Variants in ASAP2 observed in about 807,000 individuals in gnomAD.
ASAP2 encodes the protein arf-GAP with SH3 domain, ANK repeat and PH domain-containing protein 2.
A neutral mutation model predicts 131.4 loss-of-function variants in ASAP2; 45 were observed. The observed-to-expected ratio is 0.34, with a 90% CI of 0.27 to 0.44. ASAP2 has a LOEUF of 0.44. ASAP2 is among the 20% of genes least tolerant of loss of function. The pLI is 1.00. For synonymous variants in ASAP2, 510 were observed against 503.0 expected (o/e 1.01, Z -0.19); for missense variants, 1,011 against 1,297.0 (o/e 0.78, Z 3.39).
chr2:9,311,503 T>G lies in ASAP2; in HGVS notation c.346-7021T>G, dbSNP rs73155694. Among the ~76,000 whole-genome samples the G allele has an allele frequency of 1.6e-3, 247 of 152,322 alleles. No homozygotes were observed. Among genetic ancestry groups the G allele is most frequent in the African/African-American group, 5.7e-3 (235 of 41,574 alleles). ...TATTTGTTAAAAGTGAGTCAGAACA[T>G]AAGAGAAAGCCCTATGCTTTCTTGG... On this transcript the variant is annotated intron_variant, in intron 3 of 27. Coordinates refer to ENST00000281419, the MANE Select transcript of ASAP2 (RefSeq NM_003887.3). This position sits in a 1 kb window ranked among gnomAD's most constrained non-coding sequence, Gnocchi z 5.2.
At chr2:9,344,203 A>T (rs973519015) in intron 9 of ASAP2, among the ~76,000 whole-genome samples, 2 of 152,148 alleles carry the variant, frequency 1.3e-5, no homozygotes, top group Admixed American at 6.5e-5. Context: ...CTCGAGGGCT[A>T]CTGTGGCCGT....
chr2:9,340,940 T>G (rs561618811), intron 9 of ASAP2, among the ~76,000 whole-genome samples: 1 of 152,250 alleles, frequency 6.6e-6, no homozygotes, highest in South Asian at 2.1e-4. Context: ...CATGAAAGCC[T>G]TTTGAGGTTC....
At chr2:9,282,390 C>CA (rs1667183866) in intron 2 of ASAP2, among the ~76,000 whole-genome samples, 1 of 152,234 alleles carries the variant, frequency 6.6e-6, no homozygotes, top group African/African-American at 2.4e-5. Flanking sequence ...TTTCTCCTGT[C>CA]ATGTTGATGA....
chr2:9,334,637 A>T, intron 7 of ASAP2, 101 bp from the exon 8 acceptor site: 1 of 982,510 alleles, frequency 1.0e-6, no homozygotes, highest in Non-Finnish European at 1.5e-6. Context: ...CCCAGGAGTT[A>T]CATAATGACT....
At chr2:9,269,043 C>G (rs1228790552) in intron 1 of ASAP2, among the ~76,000 whole-genome samples, 1 of 151,974 alleles carries the variant, frequency 6.6e-6, no homozygotes, top group Non-Finnish European at 1.5e-5. Context: ...TCCTTGAGGC[C>G]AGGGCTCAGC....
intron 3 of ASAP2, among the ~76,000 whole-genome samples, chr2:9,314,358 A>G (rs1158428747): frequency 6.6e-6 from 1 of 152,224 alleles, no homozygotes. Flanking sequence ...ATGAATTCAC[A>G]CATGCATTTG....
intron 1 of ASAP2, among the ~76,000 whole-genome samples, chr2:9,223,575 A>G (rs1004418224): frequency 2.0e-5 from 3 of 152,204 alleles, no homozygotes; most frequent in African/African-American, 7.2e-5. Context: ...AGGAAAATGT[A>G]CTATTAGCTG....
chr2:9,288,201 A>G (rs1214095989), intron 2 of ASAP2, among the ~76,000 whole-genome samples: 1 of 152,210 alleles, frequency 6.6e-6, no homozygotes. Flanking sequence ...CAACCTACCA[A>G]GCAAAAAAGC....
rs1675836277 is a variant in ASAP2 at position 9,392,950 on chromosome 2, T to C, written c.2519-532T>C. On this transcript the variant is annotated intron_variant, in intron 23 of 27. Coordinates refer to ENST00000281419, the MANE Select transcript of ASAP2 (RefSeq NM_003887.3). The surrounding 1 kb of genome is among the most constrained non-coding windows in gnomAD (Gnocchi z 4.0). ...CCCTCCGTGGGCCTCAGCCTCCTTGTCTGTAAAACGTAGACACTAAGAAAG... is the reference window on the plus strand; with the variant it reads ...CCCTCCGTGGGCCTCAGCCTCCTTGCCTGTAAAACGTAGACACTAAGAAAG... 6.6e-6 allele frequency among the ~76,000 whole-genome samples: 1 copy of C among 152,170 alleles called. No homozygotes were observed. Among genetic ancestry groups the C allele is most frequent in the Non-Finnish European group, 1.5e-5 (1 of 68,038 alleles).
chr2:9,337,269 G>A (rs1222456117), intron 9 of ASAP2, among the ~76,000 whole-genome samples: 1 of 152,202 alleles, frequency 6.6e-6, no homozygotes, highest in Non-Finnish European at 1.5e-5. Context: ...ATCATGCTCT[G>A]CGTTGCTTTT....
chr2:9,352,959 T>A (rs1336869318), intron 12 of ASAP2, among the ~76,000 whole-genome samples: 1 of 152,182 alleles, frequency 6.6e-6, no homozygotes, highest in African/African-American at 2.4e-5. Context: ...TCCTGCAAAT[T>A]CTTCATCCTC....
At chr2:9,259,509 C>T (rs542160115) in intron 1 of ASAP2, among the ~76,000 whole-genome samples, 56 of 152,240 alleles carry the variant, frequency 3.7e-4, no homozygotes, top group Non-Finnish European at 6.0e-4. Context: ...TCCTCTTGTA[C>T]TCCTGCTCCC....
At chr2:9,254,286 A>G (rs2148156778) in intron 1 of ASAP2, among the ~76,000 whole-genome samples, 1 of 124,698 alleles carries the variant, frequency 8.0e-6, no homozygotes, top group East Asian at 2.2e-4. Flanking sequence ...TATATAGTAT[A>G]TTGTTATAAT....
At chr2:9,315,281 G>A (rs2148476921) in intron 3 of ASAP2, among the ~76,000 whole-genome samples, 1 of 152,324 alleles carries the variant, frequency 6.6e-6, no homozygotes, top group Middle Eastern at 3.4e-3. Context: ...GGCAGGCAGA[G>A]ACTAGGAAGC....
chr2:9,211,122 TC>T (rs1326436871), intron 1 of ASAP2, among the ~76,000 whole-genome samples: 1 of 150,848 alleles, frequency 6.6e-6, no homozygotes, highest in Non-Finnish European at 1.5e-5. Context: ...GCCATTGCAC[TC>T]CAGCCTGGGC....
rs555411050 is a variant in ASAP2 at position 9,311,710 on chromosome 2, C to A, written c.346-6814C>A. On this transcript the variant is annotated intron_variant, in intron 3 of 27. Transcript: ENST00000281419. The surrounding 1 kb of genome is among the most constrained non-coding windows in gnomAD (Gnocchi z 5.2). ...AACTCGAGGATGGCTCGTTCGGCTG[C>A]GGGCCTGAGGCTGCTGGACACACAG... 2.3e-3 allele frequency among the ~76,000 whole-genome samples: 345 copies of A among 152,310 alleles called. 1 individual carries two copies. The highest frequency in any genetic ancestry group is 3.9e-3 in the Non-Finnish European group (266 of 68,026).
intron 9 of ASAP2, among the ~76,000 whole-genome samples, chr2:9,336,274 A>G (rs976244826): frequency 2.0e-5 from 3 of 152,104 alleles, no homozygotes; most frequent in Admixed American, 6.5e-5. Context: ...CTTTATGAAG[A>G]TGAAGCAGGT....
intron 9 of ASAP2, among the ~76,000 whole-genome samples, chr2:9,343,673 C>T (rs1671753173): frequency 6.6e-6 from 1 of 152,204 alleles, no homozygotes; most frequent in African/African-American, 2.4e-5. Flanking sequence ...TCTTGAACTC[C>T]TGGGCTCAAG....
intron 11 of ASAP2, among the ~76,000 whole-genome samples, chr2:9,347,099 G>A (rs912700414): frequency 2.6e-5 from 4 of 152,170 alleles, no homozygotes; most frequent in Non-Finnish European, 2.9e-5. Flanking sequence ...AGCCATCGCC[G>A]CCTACATCCT....
Sources: gnomAD v4.1 joint callset for allele counts (sites outside exome capture counted in the v4.1 genomes callset) on GRCh38, gnomAD v4.1.1 for gene constraint, Gnocchi (gnomAD v3.1) non-coding constraint, MANE v1.5 for transcripts, NCBI Gene and HGNC (gene_info 2026-07-23, HGNC 2026-07-21) for gene names.